Variants in USP43 observed in about 807,000 individuals in gnomAD.
The protein encoded by USP43 is ubiquitin carboxyl-terminal hydrolase 43.
Under a neutral mutation model 90.7 loss-of-function variants are expected in USP43, and 33 were observed. That is an observed-to-expected ratio of 0.36 (90% CI 0.28 to 0.49). The LOEUF is 0.49. USP43 is among the 20% of genes least tolerant of loss of function. The probability of loss-of-function intolerance (pLI) is 0.98; values close to 1 mark genes in which losing one functional copy is unlikely to be tolerated. For missense variants in USP43, 1,274 were observed against 1,476.4 expected (o/e 0.86, Z 2.25); for synonymous variants, 598 against 615.8 (o/e 0.97, Z 0.43).
intron 14 of USP43, among the ~76,000 whole-genome samples, chr17:9,718,789 G>A (rs908522360): frequency 1.3e-5 from 2 of 151,938 alleles, no homozygotes; most frequent in African/African-American, 4.8e-5. Flanking sequence ...GTGGTGAGCT[G>A]AGATCGTGCC....
At chr17:9,694,493 C>T (rs1200426760) in intron 9 of USP43, among the ~76,000 whole-genome samples, 1 of 152,030 alleles carries the variant, frequency 6.6e-6, no homozygotes, top group African/African-American at 2.4e-5. Flanking sequence ...GAAGCACTTA[C>T]GAATGTTAAA....
chr17:9,693,323 G>C, intron 9 of USP43, 93 bp downstream of exon 9: 1 of 1,068,006 alleles, frequency 9.4e-7, no homozygotes, highest in Non-Finnish European at 1.4e-6. Flanking sequence ...ATTGCTCATA[G>C]TATTTGTTAT....
At chr17:9,682,704 G>GC (rs1457245286) in intron 6 of USP43, 119 bp from the exon 7 acceptor site, 3 of 1,319,190 alleles carry the variant, frequency 2.3e-6, no homozygotes, top group East Asian at 2.4e-5. Flanking sequence ...CCCTCTAGTG[G>GC]CCCCCCATTG....
chr17:9,684,368 C>T (rs929889486), intron 7 of USP43, among the ~76,000 whole-genome samples: 1 of 152,014 alleles, frequency 6.6e-6, no homozygotes, highest in South Asian at 2.1e-4. Flanking sequence ...TGTCCATCCT[C>T]GAATTTTCCA....
intron 8 of USP43, among the ~76,000 whole-genome samples, chr17:9,689,865 AG>A (rs893602023): frequency 4.6e-5 from 7 of 152,166 alleles, no homozygotes; most frequent in African/African-American, 1.7e-4. Context: ...TTAGGGGCGG[AG>A]GAAAAAGAGT....
intron 10 of USP43, 150 bp from the exon 11 acceptor site, chr17:9,700,969 A>T: frequency 1.1e-6 from 1 of 905,184 alleles, no homozygotes; most frequent in Admixed American, 3.7e-5. Flanking sequence ...AGTCAGAAGG[A>T]TGCCTGCAGC....
chr17:9,655,779 GC>G (rs1381238653), intron 1 of USP43, among the ~76,000 whole-genome samples: 1 of 152,206 alleles, frequency 6.6e-6, no homozygotes, highest in East Asian at 1.9e-4. Context: ...TGAAGGGCTG[GC>G]TCAGCCATTT....
intron 6 of USP43, among the ~76,000 whole-genome samples, chr17:9,681,390 T>C (rs1417330388): frequency 8.7e-6 from 1 of 115,266 alleles, no homozygotes; most frequent in Non-Finnish European, 1.7e-5. Context: ...ATAAATATAA[T>C]ATAGATAAAT....
chr17:9,645,573 T>A lies in USP43; in HGVS notation c.-60T>A. 5 of 1,167,292 alleles carry A rather than the reference T, an allele frequency of 4.3e-6. No homozygotes were observed. The highest frequency in any genetic ancestry group is 5.3e-6 in the Non-Finnish European group (5 of 946,992). 72.3% of individuals were successfully genotyped at this position (1,167,292 alleles called of 1,614,324 possible). The stretch of plus-strand genomic sequence containing the variant: ...GCCTTAGAGAAGCTGTAGGGCCTGC[T>A]GGCCGCTCGTCCGCCTCGCGCCCGG... On this transcript the variant is annotated 5_prime_UTR_variant, in exon 1 of 15. Coordinates refer to ENST00000285199, the MANE Select transcript of USP43 (RefSeq NM_153210.5). The surrounding 1 kb of genome is among the most constrained non-coding windows in gnomAD (Gnocchi z 6.8).
chr17:9,691,075 A>C (rs991614199), intron 8 of USP43, among the ~76,000 whole-genome samples: 1 of 150,976 alleles, frequency 6.6e-6, no homozygotes, highest in Admixed American at 6.6e-5. Context: ...TTCAAGGGTC[A>C]TCTGTGTTGT....
Position 9,709,809 on chromosome 17 carries a change from C to A in USP43, c.2012-147C>A. On this transcript the variant is annotated intron_variant, in intron 12 of 14. Coordinates refer to ENST00000285199, the MANE Select transcript of USP43 (RefSeq NM_153210.5). The surrounding 1 kb of genome is among the most constrained non-coding windows in gnomAD (Gnocchi z 5.0). ...TATAACTTACTGATCTTTTCTGATT[C>A]CAAAAAAAATTCATTTCTGGCCAAA... 1.3e-6 allele frequency: 1 copy of A among 754,584 alleles called. No homozygotes were observed. The highest frequency in any genetic ancestry group is 1.8e-6 in the Non-Finnish European group (1 of 541,770). 46.7% of individuals were successfully genotyped at this position (754,584 alleles called of 1,614,324 possible).
chr17:9,679,619 G>A (rs1037781419), intron 5 of USP43, among the ~76,000 whole-genome samples: 9 of 149,446 alleles, frequency 6.0e-5, no homozygotes, highest in Admixed American at 1.4e-4. Flanking sequence ...TCCGCCTCCC[G>A]GGTTCACACC....
rs139513890 is a variant in USP43 at position 9,661,340 on chromosome 17, G to A, written c.636+4806G>A. On this transcript the variant is annotated intron_variant, in intron 2 of 14. Coordinates refer to ENST00000285199, the MANE Select transcript of USP43 (RefSeq NM_153210.5). ...AGATACACAATACATGTCATCTCTTGGGATTTTGTTTATTTTTATTTATTT... is the reference window on the plus strand; with the variant it reads ...AGATACACAATACATGTCATCTCTTAGGATTTTGTTTATTTTTATTTATTT... Among the ~76,000 whole-genome samples, 1,170 of 152,148 alleles carry A rather than the reference G, an allele frequency of 7.7e-3. 12 individuals are homozygous for A. The highest frequency in any genetic ancestry group is 0.027 in the African/African-American group (1,108 of 41,528).
chr17:9,656,644 A>G (rs1386716908), intron 2 of USP43, 110 bp downstream of exon 2: 3 of 1,377,040 alleles, frequency 2.2e-6, no homozygotes, highest in Admixed American at 2.7e-5. Context: ...AGATTCCTAT[A>G]TAGTCTGGCT....
At position 9,712,904 on chromosome 17, in the gene USP43, C is replaced by T. The variant is rs140979444; in HGVS notation, c.2335+772C>T. Among the ~76,000 whole-genome samples, 108 of 152,172 alleles carry T rather than the reference C, an allele frequency of 7.1e-4. 2 individuals carry two copies. Among genetic ancestry groups the T allele is most frequent in the Admixed American group, 3.9e-3 (59 of 15,264 alleles). On this transcript the variant is annotated intron_variant, in intron 14 of 14. Transcript: ENST00000285199. ...GGTACATATGATAGTTTGATACATGCGTACAATGTGTTCATTACATACAAA... is the reference window on the plus strand; with the variant it reads ...GGTACATATGATAGTTTGATACATGTGTACAATGTGTTCATTACATACAAA...
intron 14 of USP43, among the ~76,000 whole-genome samples, chr17:9,719,161 C>A (rs1030713221): frequency 5.3e-5 from 8 of 152,168 alleles, no homozygotes; most frequent in African/African-American, 1.9e-4. Flanking sequence ...AAAAGATGTT[C>A]TTTCTCAAGC....
At chr17:9,696,723 C>T (rs980088898) in intron 9 of USP43, among the ~76,000 whole-genome samples, 17 of 152,360 alleles carry the variant, frequency 1.1e-4, no homozygotes, top group African/African-American at 2.9e-4. Flanking sequence ...ATAAACCACT[C>T]GGTGGCCTCC....
chr17:9,648,484 T>C (rs1397871984), intron 1 of USP43, among the ~76,000 whole-genome samples: 22 of 152,126 alleles, frequency 1.4e-4, no homozygotes, highest in Admixed American at 1.4e-3. Context: ...CACAGGCACA[T>C]GATTGGAACA....
intron 6 of USP43, 95 bp downstream of exon 6, chr17:9,680,461 T>A (rs1191390464): frequency 2.0e-5 from 28 of 1,425,728 alleles, no homozygotes; most frequent in Non-Finnish European, 2.4e-5. Context: ...ACATCCAATT[T>A]TAGCACTTGG....
Sources: gnomAD v4.1 joint callset for allele counts (sites outside exome capture counted in the v4.1 genomes callset) on GRCh38, gnomAD v4.1.1 for gene constraint, Gnocchi (gnomAD v3.1) non-coding constraint, MANE v1.5 for transcripts, NCBI Gene and HGNC (gene_info 2026-07-23, HGNC 2026-07-21) for gene names.